Variants in TFCP2L1 observed in about 807,000 individuals in gnomAD.
TFCP2L1 encodes the protein transcription factor CP2 like 1.
Under a neutral mutation model 72.2 loss-of-function variants are expected in TFCP2L1, and 12 were observed. That is an observed-to-expected ratio of 0.17 (90% CI 0.11 to 0.27). The LOEUF (loss-of-function observed/expected upper bound fraction) is 0.27. Ranked by LOEUF, TFCP2L1 falls within the 10% of genes least tolerant of loss-of-function variation. The pLI is 1.00. For synonymous variants in TFCP2L1, 260 were observed against 251.0 expected (o/e 1.04, Z -0.34); for missense variants, 488 against 624.6 (o/e 0.78, Z 2.33).
rs372593264 is a variant in TFCP2L1 at position 121,259,607 on chromosome 2, T to C, written c.215-9960A>G. Among the ~76,000 whole-genome samples the C allele has an allele frequency of 3.9e-5, 6 of 152,314 alleles. No individual in the cohort carries two copies. In the East Asian group the frequency reaches 9.6e-4, roughly 24 times the overall value. Reference sequence around the variant, plus strand: ...TAGAAGTTAAAAAATAATTTTAAAATTAAGATTACAAAAAGGCTTAGGCAG... The same window carrying C: ...TAGAAGTTAAAAAATAATTTTAAAACTAAGATTACAAAAAGGCTTAGGCAG... On this transcript the variant is annotated intron_variant, in intron 2 of 14. Coordinates refer to ENST00000263707, the MANE Select transcript of TFCP2L1 (RefSeq NM_014553.3).
At chr2:121,276,328 T>C (rs961398254) in intron 2 of TFCP2L1, among the ~76,000 whole-genome samples, 1 of 112,004 alleles carries the variant, frequency 8.9e-6, no homozygotes, top group South Asian at 2.7e-4. Flanking sequence ...TGGTTTTCTG[T>C]TCCTGTGTTA....
At chr2:121,241,405 G>C (rs1223489275) in intron 7 of TFCP2L1, among the ~76,000 whole-genome samples, 1 of 152,188 alleles carries the variant, frequency 6.6e-6, no homozygotes. Context: ...GCCGAGGCAG[G>C]AGAATCCCTT....
Position 121,254,429 on chromosome 2 carries a change from A to T in TFCP2L1, c.215-4782T>A, listed in dbSNP as rs142840891. Among the ~76,000 whole-genome samples, 220 of 152,316 alleles carry T rather than the reference A, an allele frequency of 1.4e-3. 3 individuals carry two copies. The East Asian group carries it at 0.039, about 27-fold the overall frequency. Reference sequence around the variant, plus strand: ...GGTTCGAACCAGGGGATGAGAAAACATGTGACATGGGCTTTGAAGAGTGGG... The same window carrying T: ...GGTTCGAACCAGGGGATGAGAAAACTTGTGACATGGGCTTTGAAGAGTGGG... On this transcript the variant is annotated intron_variant, in intron 2 of 14. Transcript: ENST00000263707.
chr2:121,258,883 A>G (rs922024861), intron 2 of TFCP2L1, among the ~76,000 whole-genome samples: 3 of 152,186 alleles, frequency 2.0e-5, no homozygotes, highest in Non-Finnish European at 4.4e-5. Flanking sequence ...CCCCAATTTG[A>G]TAATGTACTT....
intron 2 of TFCP2L1, among the ~76,000 whole-genome samples, chr2:121,262,450 T>A (rs779216518): frequency 2.0e-5 from 3 of 151,948 alleles, no homozygotes; most frequent in Non-Finnish European, 4.4e-5. Context: ...GGTGACAGAG[T>A]GAGACTCCGT....
At position 121,250,436 on chromosome 2, in the gene TFCP2L1, A is replaced by G. The variant is rs551900150; in HGVS notation, c.215-789T>C. On this transcript the variant is annotated intron_variant, in intron 2 of 14. Transcript: ENST00000263707. ...AATGATGATATCTCAAATGATGCCA[A>G]TTTTCCCAAAATGTATCTCAAAAAA... Among the ~76,000 whole-genome samples, 151 of 151,256 alleles carry G rather than the reference A, an allele frequency of 1.0e-3. 1 individual carries two copies. The highest frequency in any genetic ancestry group is 3.4e-3 in the African/African-American group (142 of 41,246).
At chr2:121,252,383 T>A (rs1235464762) in intron 2 of TFCP2L1, among the ~76,000 whole-genome samples, 1 of 152,176 alleles carries the variant, frequency 6.6e-6, no homozygotes, top group Non-Finnish European at 1.5e-5. Flanking sequence ...AATTGATTAG[T>A]ACCAAGACAC....
chr2:121,284,253 A>T (rs903821121), intron 1 of TFCP2L1, among the ~76,000 whole-genome samples: 3 of 152,226 alleles, frequency 2.0e-5, no homozygotes, highest in African/African-American at 7.2e-5. Flanking sequence ...TAAGATGGAA[A>T]TAAGGACAGG....
intron 2 of TFCP2L1, among the ~76,000 whole-genome samples, chr2:121,276,424 G>A (rs959308515): frequency 6.6e-6 from 1 of 151,994 alleles, no homozygotes; most frequent in African/African-American, 2.4e-5. Context: ...CTTGAACCCA[G>A]GAGTTCAAGA....
rs1195382206 is a variant in TFCP2L1, at chr2:121,219,595, C to T, written c.*4746G>A. 6.6e-6 allele frequency: 1 copy of T among 152,234 alleles called. No individual in the cohort carries two copies. Among genetic ancestry groups the T allele is most frequent in the Non-Finnish European group, 1.5e-5 (1 of 68,044 alleles). The allele number at this position is 152,234 out of a possible 1,614,324, so 9.4% of individuals were successfully genotyped here. A position where few individuals can be genotyped will look rare whatever the true frequency, so the allele number is the denominator to read the frequency against. ...GCACTGTGTACAACCAGGATGGGCA[C>T]ACGTAAAGGTCTCCTGCCTGTTGTG... On this transcript the variant is annotated 3_prime_UTR_variant, in exon 15 of 15. Coordinates refer to ENST00000263707, the MANE Select transcript of TFCP2L1 (RefSeq NM_014553.3).
intron 2 of TFCP2L1, among the ~76,000 whole-genome samples, chr2:121,261,148 G>A (rs1686824066): frequency 6.6e-6 from 1 of 152,286 alleles, no homozygotes; most frequent in East Asian, 1.9e-4. Flanking sequence ...CAGGGAAAAG[G>A]CTTTGCCAGC....
At position 121,285,194 on chromosome 2, in the gene TFCP2L1, T is replaced by G. The variant is rs1204628872; in HGVS notation, c.-85A>C. 8.2e-7 allele frequency: 1 copy of G among 1,214,046 alleles called. No individual in the cohort carries two copies. Among genetic ancestry groups the G allele is most frequent in the African/African-American group, 1.6e-5 (1 of 62,200 alleles). The allele number at this position is 1,214,046 out of a possible 1,614,324, so 75.2% of individuals were successfully genotyped here. On this transcript the variant is annotated 5_prime_UTR_variant, in exon 1 of 15. Coordinates refer to ENST00000263707, the MANE Select transcript of TFCP2L1 (RefSeq NM_014553.3). The stretch of plus-strand genomic sequence containing the variant: ...CGAGGACCCAGCGGCGGCTTCGCGC[T>G]CCGAACCCGCGGTGCCGGCCGGCTC...
intron 2 of TFCP2L1, among the ~76,000 whole-genome samples, chr2:121,270,541 G>A (rs4848700): frequency 6.6e-6 from 1 of 151,976 alleles, no homozygotes; most frequent in Admixed American, 6.6e-5. Context: ...ACTAGAGCAC[G>A]AGGTTATAAC....
At chr2:121,277,440 G>C (rs1446335601) in intron 2 of TFCP2L1, among the ~76,000 whole-genome samples, 1 of 152,216 alleles carries the variant, frequency 6.6e-6, no homozygotes, top group Non-Finnish European at 1.5e-5. Context: ...TATACTGCTG[G>C]CTGGCACGTA....
chr2:121,220,953 A>G lies in TFCP2L1; in HGVS notation c.*3388T>C, dbSNP rs966315894. The G allele has an allele frequency of 4.6e-5, 7 of 152,238 alleles. No homozygotes were observed. The highest frequency in any genetic ancestry group is 8.8e-5 in the Non-Finnish European group (6 of 68,044). The allele number at this position is 152,238 out of a possible 1,614,324, so 9.4% of individuals were successfully genotyped here. A position where few individuals can be genotyped will look rare whatever the true frequency, so the allele number is the denominator to read the frequency against. On this transcript the variant is annotated 3_prime_UTR_variant, in exon 15 of 15. Transcript: ENST00000263707. ...AAATGGAAGACTCTACTAATAGCAC[A>G]CTTAAGGTAACAGACTTTTATTACA...
chr2:121,241,403 A>C (rs1686364280), intron 7 of TFCP2L1, among the ~76,000 whole-genome samples: 1 of 152,220 alleles, frequency 6.6e-6, no homozygotes, highest in Admixed American at 6.5e-5. Context: ...AGGCCGAGGC[A>C]GGAGAATCCC....
chr2:121,231,451 C>G lies in TFCP2L1; in HGVS notation c.1341+375G>C, dbSNP rs567295255. ...GCTCTCCTCTCCCACAAGCCACAGCCTCGCCAACACCTGCCCCGGAGTCCA... is the reference window on the plus strand; with the variant it reads ...GCTCTCCTCTCCCACAAGCCACAGCGTCGCCAACACCTGCCCCGGAGTCCA... On this transcript the variant is annotated intron_variant, in intron 13 of 14. Transcript: ENST00000263707. Among the ~76,000 whole-genome samples, 10 of 152,342 alleles carry G rather than the reference C, an allele frequency of 6.6e-5. No individual in the cohort carries two copies. The South Asian group carries it at 1.7e-3, about 25-fold the overall frequency.
intron 2 of TFCP2L1, among the ~76,000 whole-genome samples, chr2:121,252,408 G>C (rs1336036358): frequency 6.6e-6 from 1 of 152,178 alleles, no homozygotes; most frequent in East Asian, 1.9e-4. Flanking sequence ...GTAGTGGGTT[G>C]AATGGTGGTC....
At chr2:121,276,634 G>GAA (rs199554642) in intron 2 of TFCP2L1, among the ~76,000 whole-genome samples, 4 of 100,024 alleles carry the variant, frequency 4.0e-5, no homozygotes, top group Non-Finnish European at 4.4e-5. Flanking sequence ...CCCTGTCTCA[G>GAA]AAAAAAAAAA....
Sources: gnomAD v4.1 joint callset for allele counts (sites outside exome capture counted in the v4.1 genomes callset) on GRCh38, gnomAD v4.1.1 for gene constraint, MANE v1.5 for transcripts, NCBI Gene and HGNC (gene_info 2026-07-23, HGNC 2026-07-21) for gene names.